CLSTN2: variants seen among roughly 807,000 people sequenced by gnomAD.
The protein encoded by CLSTN2 is calsyntenin-2.
Under a neutral mutation model 101.2 loss-of-function variants are expected in CLSTN2, and 48 were observed. The ratio of observed to expected loss-of-function variants is 0.47; its 90% CI spans 0.38 to 0.60. The LOEUF is 0.60. Among genes scored for constraint, CLSTN2 ranks in the 20% least tolerant of loss-of-function variants. The pLI is 0.00. For synonymous variants in CLSTN2, 481 were observed against 463.6 expected, an observed-to-expected ratio of 1.04 and a Z score of -0.48; for missense variants, 1,160 against 1,238.2, an observed-to-expected ratio of 0.94 and a Z score of 0.95.
At chr3:140,150,131 A>C (rs529242742) in intron 1 of CLSTN2, among the ~76,000 whole-genome samples, 22 of 152,144 alleles carry the variant, frequency 1.4e-4, no homozygotes, top group Non-Finnish European at 2.8e-4. Flanking sequence ...ATGCACTACT[A>C]CTTCCTTTTG....
intron 4 of CLSTN2, among the ~76,000 whole-genome samples, chr3:140,418,501 CTTTCTTTCTTTCTTTCTTTT>C (rs2088455293): frequency 1.1e-5 from 1 of 90,020 alleles, no homozygotes; most frequent in African/African-American, 1.0e-4. Context: ...TTCTTTCTTT[CTTTCTTTCTTTCTTTCTTTT>C]TTTTTTTTTT....
At chr3:140,247,415 T>C (rs544803889) in intron 2 of CLSTN2, among the ~76,000 whole-genome samples, 1 of 152,312 alleles carries the variant, frequency 6.6e-6, no homozygotes, top group Admixed American at 6.5e-5. Context: ...CCAGGGGACC[T>C]TTGGGAAGCT....
At chr3:140,193,145 T>C (rs369888229) in intron 2 of CLSTN2, among the ~76,000 whole-genome samples, 1 of 151,854 alleles carries the variant, frequency 6.6e-6, no homozygotes, top group East Asian at 1.9e-4. Flanking sequence ...TTGCTTAAAA[T>C]GTAAAATGTG....
At chr3:140,550,773 T>C (rs1394781398) in intron 10 of CLSTN2, among the ~76,000 whole-genome samples, 1 of 151,458 alleles carries the variant, frequency 6.6e-6, no homozygotes, top group East Asian at 1.9e-4. Flanking sequence ...CAAAAAACTG[T>C]GGGGACTGAG....
At chr3:140,547,491 G>A (rs1935618783) in intron 10 of CLSTN2, among the ~76,000 whole-genome samples, 1 of 151,804 alleles carries the variant, frequency 6.6e-6, no homozygotes, top group Non-Finnish European at 1.5e-5. Flanking sequence ...AGAGGAAGAA[G>A]AAGAAGAAGA....
intron 4 of CLSTN2, among the ~76,000 whole-genome samples, chr3:140,409,958 A>G (rs2088344491): frequency 1.3e-5 from 2 of 152,074 alleles, no homozygotes; most frequent in South Asian, 4.1e-4. Flanking sequence ...AAGAAAGAAT[A>G]AGCAAACTTA....
chr3:140,453,364 C>G (rs1330188781), intron 6 of CLSTN2: 3 of 152,158 alleles, frequency 2.0e-5, no homozygotes, highest in Non-Finnish European at 4.4e-5. Context: ...TGACCAGACC[C>G]TAAGTTGTTC....
chr3:140,488,794 C>T lies in CLSTN2; in HGVS notation c.1344+22063C>T, dbSNP rs149208169. Among the ~76,000 whole-genome samples the T allele has an allele frequency of 1.5e-4, 23 of 151,870 alleles. No individual in the cohort carries two copies. The East Asian group carries it at 4.3e-3, about 28-fold the overall frequency. ...TTGTGGTCTTAAAACACCATTTGCA[C>T]TAAAAGATTCCAGAGTCTCTTAAAG... On this transcript the variant is annotated intron_variant, in intron 8 of 16. Coordinates refer to ENST00000458420, the MANE Select transcript of CLSTN2 (RefSeq NM_022131.3).
At chr3:140,520,352 C>G (rs910718257) in intron 8 of CLSTN2, among the ~76,000 whole-genome samples, 2 of 152,188 alleles carry the variant, frequency 1.3e-5, no homozygotes, top group South Asian at 4.1e-4. Context: ...ACTTACTTAC[C>G]ATTCCACATT....
chr3:140,391,617 G>T (rs1232360149), intron 2 of CLSTN2, among the ~76,000 whole-genome samples: 3 of 151,760 alleles, frequency 2.0e-5, no homozygotes, highest in African/African-American at 7.3e-5. Context: ...AATTTATAGT[G>T]ATTTTATTAA....
chr3:140,166,153 A>G (rs887429556), intron 1 of CLSTN2, among the ~76,000 whole-genome samples: 2 of 152,266 alleles, frequency 1.3e-5, no homozygotes, highest in Admixed American at 6.5e-5. Context: ...CCAACTCCCT[A>G]TTAACTTTTG....
At chr3:140,316,091 TG>T (rs374456098) in intron 2 of CLSTN2, among the ~76,000 whole-genome samples, 121 of 152,322 alleles carry the variant, frequency 7.9e-4, no homozygotes, top group African/African-American at 2.8e-3. Flanking sequence ...GGCTGTGCAT[TG>T]GGCTCTGTGC....
At chr3:140,260,140 A>T (rs908650616) in intron 2 of CLSTN2, among the ~76,000 whole-genome samples, 6 of 130,768 alleles carry the variant, frequency 4.6e-5, no homozygotes, top group African/African-American at 2.1e-4. Context: ...AAAGAAATAT[A>T]TATATATATA....
At chr3:140,018,204 A>G (rs1382367775) in intron 1 of CLSTN2, among the ~76,000 whole-genome samples, 1 of 152,202 alleles carries the variant, frequency 6.6e-6, no homozygotes, top group Non-Finnish European at 1.5e-5. Flanking sequence ...CTGTGTCTGG[A>G]AGATGCTTTC....
At chr3:140,358,943 G>T (rs1200043259) in intron 2 of CLSTN2, among the ~76,000 whole-genome samples, 3 of 152,040 alleles carry the variant, frequency 2.0e-5, no homozygotes, top group Non-Finnish European at 4.4e-5. Context: ...GAGAGCAGAG[G>T]CCACAGCTAA....
chr3:140,505,594 T>A (rs1934671324), intron 8 of CLSTN2: 2 of 152,210 alleles, frequency 1.3e-5, no homozygotes, highest in Non-Finnish European at 2.9e-5. Flanking sequence ...TCAGTTCACT[T>A]CTCCAAAGGA....
chr3:140,091,400 A>G (rs924402235), intron 1 of CLSTN2, among the ~76,000 whole-genome samples: 1 of 152,190 alleles, frequency 6.6e-6, no homozygotes, highest in Non-Finnish European at 1.5e-5. Context: ...CCAACAGACC[A>G]CTGCTTTCAG....
rs192458943 is a variant in CLSTN2, at chr3:140,096,975, G to A, written c.110-78976G>A. Among the ~76,000 whole-genome samples, 6 of 152,236 alleles carry A rather than the reference G, an allele frequency of 3.9e-5. No individual in the cohort carries two copies. In the East Asian group the frequency reaches 1.2e-3, roughly 29 times the overall value. On this transcript the variant is annotated intron_variant, in intron 1 of 16. Coordinates refer to ENST00000458420, the MANE Select transcript of CLSTN2 (RefSeq NM_022131.3). Reference sequence around the variant, plus strand: ...ATTAACTCTGAGTGGGCAAATTCCTGACTAAACTTGGGTGCAGATCAACTC... The same window carrying A: ...ATTAACTCTGAGTGGGCAAATTCCTAACTAAACTTGGGTGCAGATCAACTC...
chr3:140,171,316 A>G (rs888758074), intron 1 of CLSTN2, among the ~76,000 whole-genome samples: 2 of 152,032 alleles, frequency 1.3e-5, no homozygotes, highest in Non-Finnish European at 2.9e-5. Flanking sequence ...AATCTGTAAA[A>G]ATGGGTTTCA....
Sources: allele counts gnomAD v4.1 joint callset (sites outside exome capture counted in the v4.1 genomes callset), GRCh38; gene constraint gnomAD v4.1.1; transcripts MANE v1.5; gene names NCBI Gene and HGNC (gene_info 2026-07-23, HGNC 2026-07-21).